TIAM2: variants seen among roughly 807,000 people sequenced by gnomAD.
TIAM2 encodes TIAM Rac1 associated GEF 2.
Under a neutral mutation model 152.9 loss-of-function variants are expected in TIAM2, and 80 were observed. The observed-to-expected ratio is 0.52, with a 90% CI of 0.44 to 0.63. TIAM2 has a LOEUF of 0.63. Among genes scored for constraint, TIAM2 ranks in the 30% least tolerant of loss-of-function variants. The probability of loss-of-function intolerance (pLI) is 0.00; values close to 1 mark genes in which losing one functional copy is unlikely to be tolerated. For missense variants in TIAM2, 1,965 were observed against 2,120.1 expected (o/e 0.93, Z 1.44); for synonymous variants, 804 against 838.0 (o/e 0.96, Z 0.70).
chr6:155,002,856 T>C (rs1778335532), intron 1 of TIAM2, among the ~76,000 whole-genome samples: 1 of 136,194 alleles, frequency 7.3e-6, no homozygotes, highest in Non-Finnish European at 1.6e-5. Context: ...AAGTTTTGTG[T>C]GTGTGTGTTT....
At chr6:155,052,797 A>T (rs1168083336) in intron 1 of TIAM2, among the ~76,000 whole-genome samples, 1 of 151,728 alleles carries the variant, frequency 6.6e-6, no homozygotes, top group Non-Finnish European at 1.5e-5. Flanking sequence ...AAAAGAAAGA[A>T]ATTGATAGCC....
chr6:155,065,132 T>C (rs1280641048), intron 1 of TIAM2, among the ~76,000 whole-genome samples: 4 of 152,010 alleles, frequency 2.6e-5, no homozygotes, highest in African/African-American at 9.7e-5. Flanking sequence ...TTTTGTACTC[T>C]TAGTAGAGAT....
intron 7 of TIAM2, among the ~76,000 whole-genome samples, chr6:155,158,749 G>T (rs1193691643): frequency 6.7e-6 from 1 of 148,644 alleles, no homozygotes; most frequent in Non-Finnish European, 1.5e-5. Flanking sequence ...TAGAGACGGG[G>T]TTTCACCACG....
At chr6:155,000,277 A>C (rs1041985598) in intron 1 of TIAM2, among the ~76,000 whole-genome samples, 1 of 152,076 alleles carries the variant, frequency 6.6e-6, no homozygotes, top group Non-Finnish European at 1.5e-5. Context: ...GCTCACGCCT[A>C]TAATCCCAGC....
chr6:155,131,539 C>CA (rs1010637337), intron 4 of TIAM2, among the ~76,000 whole-genome samples: 20 of 142,728 alleles, frequency 1.4e-4, no homozygotes, highest in East Asian at 4.0e-4. Flanking sequence ...GTTGGTACAT[C>CA]AAAAAAAAAA....
intron 1 of TIAM2, among the ~76,000 whole-genome samples, chr6:154,999,277 C>G (rs1273060248): frequency 6.6e-6 from 1 of 151,990 alleles, no homozygotes; most frequent in Non-Finnish European, 1.5e-5. Context: ...CAGTGGCGAT[C>G]TCAGCTCACT....
chr6:155,072,507 C>A (rs973976586), intron 1 of TIAM2, among the ~76,000 whole-genome samples: 1 of 151,922 alleles, frequency 6.6e-6, no homozygotes, highest in African/African-American at 2.4e-5. Flanking sequence ...CTTTCCAGAG[C>A]GGCTGGACAG....
In TIAM2 at chr6:155,129,108, C is replaced by T; in HGVS notation, c.-6-110C>T. On this transcript the variant is annotated intron_variant, in intron 3 of 26. Coordinates refer to ENST00000682666, the MANE Select transcript of TIAM2 (RefSeq NM_012454.4). The surrounding 1 kb of genome is among the most constrained non-coding windows in gnomAD (Gnocchi z 4.8). Reference sequence around the variant, plus strand: ...TTGTCCCTACTCCTCTGAGTCCTTCCAGGCACTGAAGTTGCTGTGTAATAT... The same window carrying T: ...TTGTCCCTACTCCTCTGAGTCCTTCTAGGCACTGAAGTTGCTGTGTAATAT... The T allele has an allele frequency of 1.0e-6, 1 of 995,586 alleles. No homozygotes were observed. 61.7% of individuals were successfully genotyped at this position (995,586 alleles called of 1,614,324 possible).
Position 155,218,923 on chromosome 6 carries a change from T to G in TIAM2, c.3168+7616T>G, listed in dbSNP as rs1781949726. Among the ~76,000 whole-genome samples the G allele has an allele frequency of 7.3e-6, 1 of 137,868 alleles. No individual in the cohort carries two copies. Among genetic ancestry groups the G allele is most frequent in the Non-Finnish European group, 1.6e-5 (1 of 64,024 alleles). The allele number at this position is 137,868 out of a possible 152,430, so 90.4% of individuals were successfully genotyped here. ...CCCGTGTTCTTGACCATCTCAGCCGTGTTCTTGACCATCTCAGCCGCCCAC... is the reference window on the plus strand; with the variant it reads ...CCCGTGTTCTTGACCATCTCAGCCGGGTTCTTGACCATCTCAGCCGCCCAC... On this transcript the variant is annotated intron_variant, in intron 15 of 26. Coordinates refer to ENST00000682666, the MANE Select transcript of TIAM2 (RefSeq NM_012454.4). The surrounding 1 kb of genome is among the most constrained non-coding windows in gnomAD (Gnocchi z 4.5).
At chr6:155,074,346 T>C (rs1040334437) in intron 1 of TIAM2, among the ~76,000 whole-genome samples, 1 of 151,964 alleles carries the variant, frequency 6.6e-6, no homozygotes, top group South Asian at 2.1e-4. Context: ...GATAAGCTTT[T>C]TTTTTGTTTG....
At chr6:155,104,583 C>T (rs1184496708) in intron 2 of TIAM2, among the ~76,000 whole-genome samples, 2 of 151,928 alleles carry the variant, frequency 1.3e-5, no homozygotes, top group South Asian at 2.1e-4. Flanking sequence ...CAGTGAAACC[C>T]CGTCTCTACT....
chr6:155,166,495 T>A (rs1195647573), intron 9 of TIAM2, among the ~76,000 whole-genome samples: 2 of 152,010 alleles, frequency 1.3e-5, no homozygotes, highest in Non-Finnish European at 2.9e-5. Context: ...GGCTAATTTG[T>A]GTATTTTTAG....
chr6:155,235,318 C>CG (rs1782697622), intron 15 of TIAM2, among the ~76,000 whole-genome samples: 1 of 152,226 alleles, frequency 6.6e-6, no homozygotes, highest in African/African-American at 2.4e-5. Context: ...AGGAAGGACA[C>CG]TGAAGACTTA....
intron 9 of TIAM2, among the ~76,000 whole-genome samples, chr6:155,173,877 CA>C (rs956630638): frequency 6.6e-6 from 1 of 152,194 alleles, no homozygotes; most frequent in Non-Finnish European, 1.5e-5. Flanking sequence ...ATTCATAAGA[CA>C]GGGGCATTTT....
At chr6:155,012,126 A>C (rs1483055051) in intron 1 of TIAM2, among the ~76,000 whole-genome samples, 1 of 152,250 alleles carries the variant, frequency 6.6e-6, no homozygotes, top group Non-Finnish European at 1.5e-5. Flanking sequence ...ACAGTGTTTG[A>C]ATAGAGCCTA....
chr6:155,022,163 C>A (rs926628546), intron 1 of TIAM2, among the ~76,000 whole-genome samples: 1 of 152,118 alleles, frequency 6.6e-6, no homozygotes, highest in South Asian at 2.1e-4. Context: ...TCTATAAAAT[C>A]ATTTGAGAAG....
chr6:155,001,775 A>G (rs1006585433), intron 1 of TIAM2, among the ~76,000 whole-genome samples: 3 of 152,252 alleles, frequency 2.0e-5, no homozygotes, highest in African/African-American at 7.2e-5. Context: ...CCTTTTGGAC[A>G]TAGTTCTTCA....
rs780591380 is a variant in TIAM2 at position 155,179,123 on chromosome 6, T to C, written c.2608T>C (p.Tyr870His). 3 of 1,613,724 alleles carry C rather than the reference T, an allele frequency of 1.9e-6. No homozygotes were observed. The highest frequency in any genetic ancestry group is 2.5e-6 in the Non-Finnish European group (3 of 1,179,806). Reference protein sequence around the residue: ...DNVEYCIPAPYEYMQQQVYDE... With the variant: ...DNVEYCIPAPHEYMQQQVYDE... ...TGTTGAGTATTGCATCCCTGCACCA[T>C]ATGAATATATGCAACAACAGGTAAG... Residue 870 changes from tyrosine (Y) to histidine (H), a missense_variant, in exon 11 of 27, where the codon TAT (tyrosine) becomes CAT (histidine). Physicochemically the swap from Tyr to His is moderately conservative, Grantham distance 83. Around this residue, in one of 3 missense-constraint regions of TIAM2, gnomAD observed 1,025 missense variants for 1,119.4 expected, o/e 0.92. Transcript: ENST00000682666.
chr6:155,212,805 A>G (rs1781755763), intron 15 of TIAM2, among the ~76,000 whole-genome samples: 1 of 152,192 alleles, frequency 6.6e-6, no homozygotes, highest in South Asian at 2.1e-4. Context: ...GCAGTGGTGA[A>G]GGGTGTGTCA....
Sources: allele counts gnomAD v4.1 joint callset (sites outside exome capture counted in the v4.1 genomes callset), GRCh38; gene constraint gnomAD v4.1.1; regional missense constraint gnomAD v4.1.1; non-coding constraint Gnocchi (gnomAD v3.1); transcripts MANE v1.5; gene names NCBI Gene and HGNC (gene_info 2026-07-23, HGNC 2026-07-21).